TSHZ2: variants seen among roughly 807,000 people sequenced by gnomAD.
TSHZ2 encodes the protein teashirt homolog 2.
Under a neutral mutation model 74.4 loss-of-function variants are expected in TSHZ2, and 21 were observed. The observed-to-expected ratio is 0.28, with a 90% confidence interval of 0.20 to 0.41. The LOEUF (loss-of-function observed/expected upper bound fraction) is 0.41, where lower values mean the gene tolerates loss of function less well. Ranked by LOEUF, TSHZ2 falls within the 10% of genes least tolerant of loss-of-function variation. TSHZ2 has a pLI of 1.00. For missense variants in TSHZ2, 1,244 were observed against 1,293.5 expected, an observed-to-expected ratio of 0.96 and a Z score of 0.59; for synonymous variants, 540 against 515.3, an observed-to-expected ratio of 1.05 and a Z score of -0.65.
intron 2 of TSHZ2, among the ~76,000 whole-genome samples, chr20:53,407,874 T>C (rs1339052562): frequency 6.6e-6 from 1 of 152,234 alleles, no homozygotes; most frequent in Non-Finnish European, 1.5e-5. Flanking sequence ...GACACTGAAA[T>C]CTGGCTTTCA....
At chr20:53,382,301 C>T (rs112091253) in intron 2 of TSHZ2, among the ~76,000 whole-genome samples, 92 of 152,306 alleles carry the variant, frequency 6.0e-4, no homozygotes, top group African/African-American at 2.0e-3. Context: ...CAGGCTGGCT[C>T]AGGAAATGTT....
chr20:53,235,693 A>G (rs921228481), intron 1 of TSHZ2, among the ~76,000 whole-genome samples: 11 of 152,240 alleles, frequency 7.2e-5, no homozygotes, highest in African/African-American at 2.4e-4. Context: ...GAGAGATTTT[A>G]TGAGATGCAA....
intron 1 of TSHZ2, among the ~76,000 whole-genome samples, chr20:53,098,326 T>C (rs1395057652): frequency 1.3e-5 from 2 of 152,334 alleles, no homozygotes; most frequent in Non-Finnish European, 2.9e-5. Context: ...GGGTAGTAAA[T>C]TAGATAATCT....
intron 2 of TSHZ2, among the ~76,000 whole-genome samples, chr20:53,458,027 G>T (rs1332602517): frequency 3.3e-5 from 5 of 151,972 alleles, no homozygotes; most frequent in African/African-American, 2.4e-5. Context: ...TCTCTTTTTT[G>T]GTTGAGTCTC....
intron 1 of TSHZ2, among the ~76,000 whole-genome samples, chr20:53,134,442 G>A (rs537323084): frequency 1.1e-4 from 16 of 152,236 alleles, no homozygotes; most frequent in South Asian, 8.3e-4. Flanking sequence ...CTGGAGCATA[G>A]CACACCTCAA....
intron 2 of TSHZ2, among the ~76,000 whole-genome samples, chr20:53,373,448 T>G (rs971135157): frequency 6.6e-6 from 1 of 152,218 alleles, no homozygotes; most frequent in Non-Finnish European, 1.5e-5. Context: ...AAATGGCCTT[T>G]CTTCTTGCTC....
intron 1 of TSHZ2, among the ~76,000 whole-genome samples, chr20:53,188,287 C>T (rs1441282038): frequency 4.6e-5 from 7 of 152,232 alleles, no homozygotes; most frequent in East Asian, 1.9e-4. Flanking sequence ...GCTCTACAGC[C>T]GAGGGGACTT....
At chr20:53,305,404 C>CT (rs1232693073) in intron 2 of TSHZ2, among the ~76,000 whole-genome samples, 118 of 150,102 alleles carry the variant, frequency 7.9e-4, no homozygotes, top group African/African-American at 2.0e-3. Context: ...TTTTTTCTTT[C>CT]TTTTTTTTTT....
At position 53,255,594 on chromosome 20, in the gene TSHZ2, C is replaced by T. The variant is rs901196451; in HGVS notation, c.2136C>T (p.Pro712=). 26 of 1,583,972 alleles carry T rather than the reference C, an allele frequency of 1.6e-5. No individual in the cohort carries two copies. The highest frequency in any genetic ancestry group is 1.1e-4 in the Admixed American group (6 of 56,454). ...LNNHLGKATE[P]LRSPSCSSPS... is the part of the protein sequence containing the mutation. Reference sequence around the variant, plus strand: ...ATCACTTGGGCAAAGCCACGGAGCCCTTGCGCTCACCTTCCTGCTCCAGCC... The same window carrying T: ...ATCACTTGGGCAAAGCCACGGAGCCTTTGCGCTCACCTTCCTGCTCCAGCC... The change falls in exon 2 of 3, where the codon CCC becomes CCT. Residue 712 remains proline (P), a synonymous_variant. Transcript: ENST00000371497. The surrounding 1 kb of genome is among the most constrained non-coding windows in gnomAD (Gnocchi z 4.1).
At chr20:53,094,188 G>A (rs1568756161) in intron 1 of TSHZ2, among the ~76,000 whole-genome samples, 2 of 151,944 alleles carry the variant, frequency 1.3e-5, no homozygotes, top group South Asian at 2.1e-4. Flanking sequence ...CTGCAAATCA[G>A]GAAATATTTA....
At chr20:53,006,975 A>T (rs776118891) in intron 1 of TSHZ2, among the ~76,000 whole-genome samples, 3 of 152,222 alleles carry the variant, frequency 2.0e-5, no homozygotes, top group Non-Finnish European at 4.4e-5. Flanking sequence ...ACAATGTGCA[A>T]GTTCTGGAAA....
At position 53,494,712 on chromosome 20, in the gene TSHZ2, A is replaced by T. The variant is rs1986537764; in HGVS notation, c.*7577A>T. 1 of 145,780 alleles carries T rather than the reference A, an allele frequency of 6.9e-6. No individual in the cohort carries two copies. The highest frequency in any genetic ancestry group is 1.5e-5 in the Non-Finnish European group (1 of 66,366). The allele number at this position is 145,780 out of a possible 1,614,324, so 9.0% of individuals were successfully genotyped here. On this transcript the variant is annotated 3_prime_UTR_variant, in exon 3 of 3. Coordinates refer to ENST00000371497, the MANE Select transcript of TSHZ2 (RefSeq NM_173485.6). ...CTAAATAACAGACACTACTTTGTTG[A>T]GCTATTGTGAAAAAAAAACAACACA...
chr20:53,113,085 C>T (rs142798700), intron 1 of TSHZ2, among the ~76,000 whole-genome samples: 2 of 152,176 alleles, frequency 1.3e-5, no homozygotes, highest in Non-Finnish European at 2.9e-5. Context: ...TTGATAAGCC[C>T]TCAGATTCCC....
chr20:52,986,276 C>T (rs1036992516), intron 1 of TSHZ2, among the ~76,000 whole-genome samples: 2 of 151,378 alleles, frequency 1.3e-5, no homozygotes, highest in African/African-American at 4.9e-5. Context: ...GTGGCACATG[C>T]CTGTAAACCC....
chr20:53,267,174 C>T (rs1990738244), intron 2 of TSHZ2, among the ~76,000 whole-genome samples: 1 of 152,184 alleles, frequency 6.6e-6, no homozygotes, highest in South Asian at 2.1e-4. Context: ...CTAGCAGAGG[C>T]TTTGACCTGG....
At chr20:53,230,493 A>G (rs979058961) in intron 1 of TSHZ2, among the ~76,000 whole-genome samples, 3 of 152,188 alleles carry the variant, frequency 2.0e-5, no homozygotes, top group Non-Finnish European at 4.4e-5. Flanking sequence ...TGGCACAGAG[A>G]ACACAAATGT....
chr20:53,039,274 T>A (rs1983949520), intron 1 of TSHZ2, among the ~76,000 whole-genome samples: 1 of 149,172 alleles, frequency 6.7e-6, no homozygotes, highest in Admixed American at 6.7e-5. Flanking sequence ...TTAAAAATAC[T>A]CCCTGTTCCC....
At chr20:53,229,019 G>C (rs910019019) in intron 1 of TSHZ2, among the ~76,000 whole-genome samples, 49 of 152,262 alleles carry the variant, frequency 3.2e-4, no homozygotes, top group African/African-American at 1.1e-3. Context: ...CCATACTCGG[G>C]AGTCAACACA....
chr20:53,199,790 G>A (rs866069154), intron 1 of TSHZ2, among the ~76,000 whole-genome samples: 4 of 152,162 alleles, frequency 2.6e-5, no homozygotes, highest in Non-Finnish European at 1.5e-5. Flanking sequence ...GTGTATATCG[G>A]GGGCAGGAAG....
Sources: gnomAD v4.1 joint callset for allele counts (sites outside exome capture counted in the v4.1 genomes callset) on GRCh38, gnomAD v4.1.1 for gene constraint, Gnocchi (gnomAD v3.1) non-coding constraint, MANE v1.5 for transcripts, NCBI Gene and HGNC (gene_info 2026-07-23, HGNC 2026-07-21) for gene names.